FMN1: variants seen among roughly 807,000 people sequenced by gnomAD.
The protein encoded by FMN1 is formin-1.
Under a neutral mutation model 132.4 loss-of-function variants are expected in FMN1, and 110 were observed. The observed-to-expected ratio is 0.83, with a 90% CI of 0.71 to 0.97. The LOEUF (loss-of-function observed/expected upper bound fraction) is 0.97, where lower values mean the gene tolerates loss of function less well. Ranked by LOEUF, FMN1 falls within the 50% of genes least tolerant of loss-of-function variation. FMN1 has a pLI of 0.00. For synonymous variants in FMN1, 722 were observed against 651.7 expected (o/e 1.11, Z -1.64); for missense variants, 1,792 against 1,705.3 (o/e 1.05, Z -0.90).
intron 17 of FMN1, among the ~76,000 whole-genome samples, chr15:32,821,905 T>C (rs967199816): frequency 6.6e-6 from 1 of 152,226 alleles, no homozygotes; most frequent in African/African-American, 2.4e-5. Flanking sequence ...CCTCATCCCA[T>C]TTTGATATCA....
intron 20 of FMN1, among the ~76,000 whole-genome samples, chr15:32,776,350 G>T (rs994476085): frequency 6.6e-6 from 1 of 152,172 alleles, no homozygotes; most frequent in Non-Finnish European, 1.5e-5. Context: ...CCAGCATAGG[G>T]AGAGATGTCA....
At position 32,768,354 on chromosome 15, in the gene FMN1, A is replaced by T. The variant is rs920816459; in HGVS notation, c.*5956T>A. 2.0e-5 allele frequency: 3 copies of T among 152,234 alleles called. No individual in the cohort carries two copies. The highest frequency in any genetic ancestry group is 1.3e-4 in the Admixed American group (2 of 15,280). 9.4% of individuals were successfully genotyped at this position (152,234 alleles called of 1,614,324 possible). A position where few individuals can be genotyped will look rare whatever the true frequency, so the allele number is the denominator to read the frequency against. ...AAGTGGAAGAAAGCCCCTGAAGAGA[A>T]CAATGAAGGAAAGCAGGTACACGTT... On this transcript the variant is annotated 3_prime_UTR_variant, in exon 21 of 21. Coordinates refer to ENST00000616417, the MANE Select transcript of FMN1 (RefSeq NM_001277313.2).
At chr15:32,928,019 A>T (rs1307131774) in intron 9 of FMN1, among the ~76,000 whole-genome samples, 1 of 152,260 alleles carries the variant, frequency 6.6e-6, no homozygotes, top group Non-Finnish European at 1.5e-5. Context: ...AGTTTGTTCC[A>T]ATAAAGATGA....
At chr15:32,774,813 T>G (rs2056362659) in intron 20 of FMN1, among the ~76,000 whole-genome samples, 1 of 152,202 alleles carries the variant, frequency 6.6e-6, no homozygotes, top group East Asian at 1.9e-4. Flanking sequence ...AAATGGGAGA[T>G]GACCAGATTT....
chr15:32,776,303 A>G (rs1374347374), intron 20 of FMN1, among the ~76,000 whole-genome samples: 2 of 152,172 alleles, frequency 1.3e-5, no homozygotes. Context: ...GGACAACGCA[A>G]TCTCACATAT....
At chr15:33,009,418 C>T (rs1192019697) in intron 6 of FMN1, among the ~76,000 whole-genome samples, 1 of 152,162 alleles carries the variant, frequency 6.6e-6, no homozygotes, top group African/African-American at 2.4e-5. Flanking sequence ...TCTGTTGCAG[C>T]CCATAAAGAC....
At chr15:32,980,340 C>A (rs2032555428) in intron 7 of FMN1, among the ~76,000 whole-genome samples, 1 of 151,260 alleles carries the variant, frequency 6.6e-6, no homozygotes, top group African/African-American at 2.4e-5. Context: ...AAAATAGGGT[C>A]ACAGCACTTG....
chr15:32,868,034 T>A (rs1011998724), intron 16 of FMN1, among the ~76,000 whole-genome samples: 1 of 152,196 alleles, frequency 6.6e-6, no homozygotes, highest in African/African-American at 2.4e-5. Context: ...CTTACACATG[T>A]GCAGTATGGA....
intron 5 of FMN1, among the ~76,000 whole-genome samples, chr15:33,078,364 T>C (rs370405341): frequency 1.3e-5 from 2 of 152,214 alleles, no homozygotes; most frequent in East Asian, 3.8e-4. Context: ...TATTCACTAT[T>C]GCCTCCATGT....
At chr15:32,853,637 G>C (rs2059059465) in intron 17 of FMN1, among the ~76,000 whole-genome samples, 2 of 152,314 alleles carry the variant, frequency 1.3e-5, no homozygotes, top group South Asian at 4.1e-4. Context: ...TACTCCATTT[G>C]TATATACTGC....
chr15:33,087,284 C>T lies in FMN1; in HGVS notation c.2043+1515G>A, dbSNP rs371979891. Among the ~76,000 whole-genome samples the T allele has an allele frequency of 6.6e-5, 10 of 152,290 alleles. No homozygotes were observed. The South Asian group carries it at 8.3e-4, about 13-fold the overall frequency. On this transcript the variant is annotated intron_variant, in intron 5 of 20. Coordinates refer to ENST00000616417, the MANE Select transcript of FMN1 (RefSeq NM_001277313.2). The stretch of plus-strand genomic sequence containing the variant: ...GAAGGTAGCTGGATGTGGTGGCTCA[C>T]GCCTGTAATCCAGCACTTTGGGAGG...
intron 8 of FMN1, among the ~76,000 whole-genome samples, chr15:32,966,981 T>G (rs2031298676): frequency 6.6e-6 from 1 of 152,212 alleles, no homozygotes; most frequent in Non-Finnish European, 1.5e-5. Flanking sequence ...CACCAGGAAG[T>G]GCCCGTGTTG....
intron 7 of FMN1, among the ~76,000 whole-genome samples, chr15:32,993,792 G>T (rs1025915460): frequency 2.0e-5 from 3 of 150,830 alleles, no homozygotes; most frequent in Non-Finnish European, 4.4e-5. Context: ...ATTCTCTCTT[G>T]ACCCTGTCTT....
intron 17 of FMN1, among the ~76,000 whole-genome samples, chr15:32,854,350 G>A (rs1275295695): frequency 6.6e-6 from 1 of 152,208 alleles, no homozygotes; most frequent in East Asian, 1.9e-4. Context: ...AATGAGTTAA[G>A]TAATGAAATA....
intron 3 of FMN1, among the ~76,000 whole-genome samples, chr15:33,173,703 C>T (rs756920881): frequency 5.3e-5 from 8 of 152,170 alleles, no homozygotes; most frequent in South Asian, 4.1e-4. Flanking sequence ...CCAAGGCGGG[C>T]GGATCACCTG....
rs57378148 is a variant in FMN1 at position 32,968,949 on chromosome 15, T to C, written c.2752A>G (p.Ser918Gly). ...PPPPPLPPPS[S>G]AGPPPPPPPP... ...GGTGGGGGTGGTGGAGGTCCAGCACTTGAAGGTGGAGGTAGAGGTGGCGGT... is the reference window on the plus strand; with the variant it reads ...GGTGGGGGTGGTGGAGGTCCAGCACCTGAAGGTGGAGGTAGAGGTGGCGGT... Residue 918 changes from serine (S) to glycine (G), a missense_variant, in exon 8 of 21, where the codon AGT becomes GGT. Physicochemically the swap from Ser to Gly is moderately conservative, Grantham distance 56. Transcript: ENST00000616417. The C allele has an allele frequency of 1.7e-3, 1,451 of 873,640 alleles. 16 individuals carry two copies. The African/African-American group carries it at 0.023, about 14-fold the overall frequency. The allele number at this position is 873,640 out of a possible 1,614,324, so 54.1% of individuals were successfully genotyped here. A position where few individuals can be genotyped will look rare whatever the true frequency, so the allele number is the denominator to read the frequency against.
chr15:32,971,732 G>C (rs2031811224), intron 7 of FMN1, among the ~76,000 whole-genome samples: 3 of 152,174 alleles, frequency 2.0e-5, no homozygotes, highest in Non-Finnish European at 4.4e-5. Context: ...ATATGAAAGA[G>C]TTTCAAAGAC....
intron 17 of FMN1, among the ~76,000 whole-genome samples, chr15:32,848,597 T>A (rs1421062856): frequency 6.6e-6 from 1 of 152,216 alleles, no homozygotes; most frequent in African/African-American, 2.4e-5. Context: ...TAAGACCATT[T>A]GGTTTCCAAT....
At chr15:33,106,688 C>T (rs2039500242) in intron 4 of FMN1, among the ~76,000 whole-genome samples, 1 of 152,028 alleles carries the variant, frequency 6.6e-6, no homozygotes, top group Admixed American at 6.6e-5. Context: ...GGCCAGATAA[C>T]TGTTTTCTGT....
Sources: allele counts gnomAD v4.1 joint callset (sites outside exome capture counted in the v4.1 genomes callset), GRCh38; gene constraint gnomAD v4.1.1; transcripts MANE v1.5; gene names NCBI Gene and HGNC (gene_info 2026-07-23, HGNC 2026-07-21).